The following LIN7A variants were observed in gnomAD, a reference collection of about 807,000 sequenced individuals.
LIN7A encodes lin-7 cell polarity scaffold A.
Under a neutral mutation model 29.8 loss-of-function variants are expected in LIN7A, and 25 were observed. That is an observed-to-expected ratio of 0.84 (90% confidence interval 0.61 to 1.17). The LOEUF (loss-of-function observed/expected upper bound fraction) is 1.17. Among genes scored for constraint, LIN7A ranks in the 50% most tolerant of loss-of-function variants. The pLI, the probability that LIN7A is intolerant of heterozygous loss-of-function variation, is 0.00. For synonymous variants in LIN7A, 118 were observed against 107.5 expected, an observed-to-expected ratio of 1.10 and a Z score of -0.60; for missense variants, 239 against 287.0, an observed-to-expected ratio of 0.83 and a Z score of 1.21.
chr12:80,824,967 C>A (rs983509966), intron 4 of LIN7A, among the ~76,000 whole-genome samples: 4 of 152,142 alleles, frequency 2.6e-5, no homozygotes, highest in African/African-American at 9.7e-5. Flanking sequence ...ACAAGGATGC[C>A]CACTTTCAGC....
intron 4 of LIN7A, among the ~76,000 whole-genome samples, chr12:80,835,388 A>C (rs1872555595): frequency 6.6e-6 from 1 of 152,154 alleles, no homozygotes; most frequent in African/African-American, 2.4e-5. Flanking sequence ...AGTCCTGCAG[A>C]TATAAAGACA....
chr12:80,900,033 A>C (rs1205449211), intron 1 of LIN7A, among the ~76,000 whole-genome samples: 2 of 151,146 alleles, frequency 1.3e-5, no homozygotes, highest in Non-Finnish European at 3.0e-5. Context: ...TCCCTCCTCT[A>C]GGTTTTCTAG....
chr12:80,917,992 A>G (rs1276119527), intron 1 of LIN7A, among the ~76,000 whole-genome samples: 1 of 152,178 alleles, frequency 6.6e-6, no homozygotes, highest in Non-Finnish European at 1.5e-5. Context: ...CATCTCCAGT[A>G]TGCCTTGGCC....
chr12:80,860,473 G>A (rs541554470), intron 2 of LIN7A, among the ~76,000 whole-genome samples: 2 of 152,332 alleles, frequency 1.3e-5, no homozygotes, highest in Non-Finnish European at 2.9e-5. Context: ...TCAAGCAACA[G>A]AGTTACCATT....
chr12:80,897,153 C>A lies in LIN7A; in HGVS notation c.83-7784G>T, dbSNP rs142967944. Among the ~76,000 whole-genome samples the A allele has an allele frequency of 1.8e-3, 267 of 151,926 alleles. 2 individuals are homozygous for A. The highest frequency in any genetic ancestry group is 5.4e-3 in the African/African-American group (223 of 41,438). On this transcript the variant is annotated intron_variant, in intron 1 of 5. Coordinates refer to ENST00000552864, the MANE Select transcript of LIN7A (RefSeq NM_004664.4). ...GAAGTTTGATTTGCCTACTACTACC[C>A]GAGACATCATGAAATCAAGTTTTGC...
intron 4 of LIN7A, among the ~76,000 whole-genome samples, chr12:80,839,298 A>G (rs915018370): frequency 6.6e-6 from 1 of 152,218 alleles, no homozygotes; most frequent in African/African-American, 2.4e-5. Flanking sequence ...TTTAGTAGCT[A>G]TAGGAGATTG....
intron 1 of LIN7A, among the ~76,000 whole-genome samples, chr12:80,915,146 A>G (rs1350188045): frequency 1.4e-5 from 2 of 141,012 alleles, no homozygotes; most frequent in Non-Finnish European, 3.0e-5. Context: ...AACTTAAATC[A>G]ACAAGCAAAA....
intron 1 of LIN7A, among the ~76,000 whole-genome samples, chr12:80,901,918 G>A (rs558786120): frequency 7.2e-5 from 11 of 152,200 alleles, no homozygotes; most frequent in African/African-American, 2.2e-4. Flanking sequence ...TAATTAGAGG[G>A]CAAAGTAAAG....
intron 2 of LIN7A, among the ~76,000 whole-genome samples, chr12:80,853,946 G>A (rs911091087): frequency 3.3e-5 from 5 of 151,996 alleles, no homozygotes; most frequent in Non-Finnish European, 7.4e-5. Context: ...CGACGGCCTC[G>A]GCTTCCCAAA....
chr12:80,909,475 A>C (rs531960984), intron 1 of LIN7A, among the ~76,000 whole-genome samples: 1 of 152,258 alleles, frequency 6.6e-6, no homozygotes, highest in South Asian at 2.1e-4. Context: ...TAAATCATAA[A>C]ATTATTTCTC....
chr12:80,889,420 T>C (rs1275214912), intron 1 of LIN7A, 51 bp from the exon 2 acceptor site: 1 of 1,148,992 alleles, frequency 8.7e-7, no homozygotes, highest in Non-Finnish European at 1.3e-6. Flanking sequence ...TTGTATCTCA[T>C]CAGCTGAAAG....
At chr12:80,882,775 G>A (rs1875127435) in intron 2 of LIN7A, among the ~76,000 whole-genome samples, 1 of 151,938 alleles carries the variant, frequency 6.6e-6, no homozygotes, top group Non-Finnish European at 1.5e-5. Context: ...CTTTAAGCTA[G>A]GCACTGTATT....
intron 2 of LIN7A, among the ~76,000 whole-genome samples, chr12:80,856,718 T>C (rs1019755355): frequency 6.6e-6 from 1 of 152,196 alleles, no homozygotes; most frequent in Non-Finnish European, 1.5e-5. Flanking sequence ...CATTAATATA[T>C]CACTATTGTC....
intron 2 of LIN7A, among the ~76,000 whole-genome samples, chr12:80,884,491 C>G (rs780653719): frequency 6.6e-6 from 1 of 152,236 alleles, no homozygotes; most frequent in Admixed American, 6.5e-5. Flanking sequence ...CATTACTAGT[C>G]GTCTAGCAAA....
intron 1 of LIN7A, among the ~76,000 whole-genome samples, chr12:80,915,224 C>T (rs902197774): frequency 6.7e-6 from 1 of 149,446 alleles, no homozygotes; most frequent in Non-Finnish European, 1.5e-5. Context: ...TGAACAGACA[C>T]TTCTCAAAAG....
intron 4 of LIN7A, among the ~76,000 whole-genome samples, chr12:80,841,335 A>AGAGG (rs1446602716): frequency 7.0e-6 from 1 of 142,364 alleles, no homozygotes; most frequent in African/African-American, 2.6e-5. Flanking sequence ...ATGAAAAGAA[A>AGAGG]GAGGGAGGGA....
At chr12:80,934,955 T>A (rs1200913699) in intron 1 of LIN7A, among the ~76,000 whole-genome samples, 1 of 152,148 alleles carries the variant, frequency 6.6e-6, no homozygotes, top group African/African-American at 2.4e-5. Context: ...CCATCAAGTG[T>A]ATAGGGGAAA....
intron 1 of LIN7A, among the ~76,000 whole-genome samples, chr12:80,921,665 G>A (rs1266602217): frequency 6.6e-6 from 1 of 151,922 alleles, no homozygotes; most frequent in African/African-American, 2.4e-5. Context: ...CCTCCTAAAA[G>A]CCCACCTCAA....
chr12:80,877,820 T>A (rs930172978), intron 2 of LIN7A, among the ~76,000 whole-genome samples: 1 of 152,082 alleles, frequency 6.6e-6, no homozygotes, highest in South Asian at 2.1e-4. Context: ...TCCATTTTTG[T>A]TGGCAACATT....
Sources: allele counts gnomAD v4.1 joint callset (sites outside exome capture counted in the v4.1 genomes callset), GRCh38; gene constraint gnomAD v4.1.1; transcripts MANE v1.5; gene names NCBI Gene and HGNC (gene_info 2026-07-23, HGNC 2026-07-21).